Variants in WDR86 observed in about 807,000 individuals in gnomAD.
WDR86 encodes the protein WD repeat-containing protein 86.
A neutral mutation model predicts 36.5 loss-of-function variants in WDR86; 30 were observed. That is an observed-to-expected ratio of 0.82 (90% confidence interval 0.61 to 1.11). The LOEUF (loss-of-function observed/expected upper bound fraction) is 1.11, where lower values mean the gene tolerates loss of function less well. Ranked by LOEUF, WDR86 falls within the 50% of genes most tolerant of loss-of-function variation. The probability of loss-of-function intolerance (pLI) is 0.00; values close to 1 mark genes in which losing one functional copy is unlikely to be tolerated. For missense variants in WDR86, 545 were observed against 561.2 expected (o/e 0.97, Z 0.29); for synonymous variants, 255 against 252.9 (o/e 1.01, Z -0.08).
At chr7:151,382,442 G>T (rs1255090067) in intron 4 of WDR86, among the ~76,000 whole-genome samples, 1 of 152,184 alleles carries the variant, frequency 6.6e-6, no homozygotes, top group Non-Finnish European at 1.5e-5. Flanking sequence ...TAGCGGGGGC[G>T]AGCCTCCGAC....
intron 1 of WDR86, among the ~76,000 whole-genome samples, chr7:151,407,010 ACACT>A (rs1800753750): frequency 6.6e-6 from 1 of 152,204 alleles, no homozygotes; most frequent in South Asian, 2.1e-4. Flanking sequence ...GGACTGTCAC[ACACT>A]CACAATGACT....
intron 3 of WDR86, among the ~76,000 whole-genome samples, chr7:151,389,536 C>T (rs11769160): frequency 0.43 from 65,385 of 152,036 alleles, 16,009 homozygotes; most frequent in Non-Finnish European, 0.56. Flanking sequence ...CAAGCACACA[C>T]GCTTCTTCGG....
chr7:151,379,680 A>C (rs1330870969), downstream of WDR86, among the ~76,000 whole-genome samples: 1 of 152,138 alleles, frequency 6.6e-6, no homozygotes, highest in Non-Finnish European at 1.5e-5. Flanking sequence ...GTGTGTTGCT[A>C]TAAAAATGCA....
intron 3 of WDR86, among the ~76,000 whole-genome samples, chr7:151,394,876 C>T (rs1386107743): frequency 6.6e-6 from 1 of 152,248 alleles, no homozygotes; most frequent in African/African-American, 2.4e-5. Context: ...GTTCGAAGCA[C>T]ACACAGTCAC....
chr7:151,395,596 C>T (rs1799760029), intron 3 of WDR86, among the ~76,000 whole-genome samples, 180 bp downstream of exon 3: 1 of 152,096 alleles, frequency 6.6e-6, no homozygotes, highest in South Asian at 2.1e-4. Context: ...GAAACCAGTA[C>T]TGCGGACCCC....
chr7:151,402,066 A>ATATATATATATATATATATAT (rs1237077862), intron 1 of WDR86, among the ~76,000 whole-genome samples: 1 of 67,354 alleles, frequency 1.5e-5, no homozygotes, highest in Non-Finnish European at 3.0e-5. Context: ...AAAAAAAAAA[A>ATATATATATATATATATATAT]AAAAATATAT....
chr7:151,376,519 G>C, downstream of WDR86: 1 of 970,358 alleles, frequency 1.0e-6, no homozygotes, highest in Non-Finnish European at 1.5e-6. Context: ...AAAGGGCCAT[G>C]GTGCACACGC....
rs1049584902 is a variant in WDR86, at chr7:151,401,431, T to A, written c.164-1190A>T. 3.9e-5 allele frequency among the ~76,000 whole-genome samples: 6 copies of A among 152,206 alleles called. No individual in the cohort carries two copies. Among genetic ancestry groups the A allele is most frequent in the Non-Finnish European group, 7.3e-5 (5 of 68,038 alleles). The stretch of plus-strand genomic sequence containing the variant: ...TCCCTCCTCTCCTTCCCTCCTCATT[T>A]CTTTATCATCTCCTTTTAGTCTTTT... On this transcript the variant is annotated intron_variant, in intron 1 of 5. Transcript: ENST00000334493. The surrounding 1 kb of genome is among the most constrained non-coding windows in gnomAD (Gnocchi z 4.3).
chr7:151,395,902 C>G lies in WDR86; in HGVS notation c.600G>C (p.Val200=), dbSNP rs1270556682. The G allele has an allele frequency of 6.2e-7, 1 of 1,602,144 alleles. No individual in the cohort carries two copies. The highest frequency in any genetic ancestry group is 8.5e-7 in the Non-Finnish European group (1 of 1,176,914). ...RGHTGAVLCL[V]LDTPGHTAFT... ...AGGCCGTGTGGCCGGGCGTGTCTAGCACTAGGCACAGCACTGCACCCGTGT... is the reference window on the plus strand; with the variant it reads ...AGGCCGTGTGGCCGGGCGTGTCTAGGACTAGGCACAGCACTGCACCCGTGT... The change falls in exon 3 of 6, where the codon GTG becomes GTC. Residue 200 remains valine, a synonymous_variant. Coordinates refer to ENST00000334493, the MANE Select transcript of WDR86 (RefSeq NM_198285.3).
chr7:151,391,531 C>T (rs1205764432), intron 3 of WDR86, among the ~76,000 whole-genome samples: 2 of 152,118 alleles, frequency 1.3e-5, no homozygotes, highest in Non-Finnish European at 2.9e-5. Context: ...GCTGGGAGCC[C>T]GGGCGAGACT....
At chr7:151,386,948 C>T (rs1051380911) in intron 3 of WDR86, among the ~76,000 whole-genome samples, 6 of 152,342 alleles carry the variant, frequency 3.9e-5, no homozygotes, top group African/African-American at 1.2e-4. Context: ...TTTCCTTCAT[C>T]GGCAAGTGGA....
intron 1 of WDR86, among the ~76,000 whole-genome samples, chr7:151,402,070 A>AAAAAATATATATATAT: frequency 1.8e-4 from 9 of 50,522 alleles, no homozygotes; most frequent in African/African-American, 2.4e-4. Flanking sequence ...AAAAAAAAAA[A>AAAAAATATATATATAT]ATATATATAT....
At chr7:151,408,963 C>T (rs999116076) in intron 1 of WDR86, 7 of 473,448 alleles carry the variant, frequency 1.5e-5, no homozygotes, top group African/African-American at 8.0e-5. Flanking sequence ...GCACCGCTGG[C>T]CCTTAACAAG....
At chr7:151,387,244 CCTGGGTGACCAGGGCAGGAGGCTTG>C (rs1276704062) in intron 3 of WDR86, among the ~76,000 whole-genome samples, 2 of 152,282 alleles carry the variant, frequency 1.3e-5, no homozygotes, top group South Asian at 2.1e-4. Flanking sequence ...AAGGAGGCTT[CCTGGGTGACCAGGGCAGGAGGCTTG>C]CTGGGTGACC....
chr7:151,410,366 C>T (rs1406863859), upstream of WDR86, among the ~76,000 whole-genome samples: 1 of 152,226 alleles, frequency 6.6e-6, no homozygotes, highest in African/African-American at 2.4e-5. Flanking sequence ...CTACTCGCCT[C>T]CACCAGGCAA....
At chr7:151,394,128 G>A (rs1047809520) in intron 3 of WDR86, among the ~76,000 whole-genome samples, 2 of 152,136 alleles carry the variant, frequency 1.3e-5, no homozygotes, top group Admixed American at 6.5e-5. Context: ...TCCCCACGAC[G>A]AGCTGCTCTC....
At chr7:151,408,357 C>T (rs1350859786) in intron 1 of WDR86, among the ~76,000 whole-genome samples, 1 of 151,948 alleles carries the variant, frequency 6.6e-6, no homozygotes, top group African/African-American at 2.4e-5. Context: ...CCACCACGCC[C>T]AGCTAATTTT....
At chr7:151,379,314 C>G (rs964613640), downstream of WDR86, among the ~76,000 whole-genome samples, 36 of 152,252 alleles carry the variant, frequency 2.4e-4, 2 homozygotes, top group Non-Finnish European at 1.8e-4. Context: ...GTGAGGGCAG[C>G]CCATGCCAGC....
In WDR86 at chr7:151,400,173, T is replaced by C; in HGVS notation, c.232A>G (p.Thr78Ala). The change falls in exon 2 of 6, where the codon ACC becomes GCC. Residue 78 changes from threonine to alanine, a missense_variant. Physicochemically the swap from Thr to Ala is moderately conservative, Grantham distance 58. Coordinates refer to ENST00000334493, the MANE Select transcript of WDR86 (RefSeq NM_198285.3). ...EAAFTCSADCTIRRWDVLTGQ... is the reference protein window; with the variant it reads ...EAAFTCSADCAIRRWDVLTGQ... The stretch of plus-strand genomic sequence containing the variant: ...GTCAGCACGTCCCACCTCCTGATGG[T>C]GCAGTCGGCGCTGCATGTGAAGGCA... 6.2e-7 allele frequency: 1 copy of C among 1,612,380 alleles called. No homozygotes were observed. The highest frequency in any genetic ancestry group is 8.5e-7 in the Non-Finnish European group (1 of 1,179,240).
Sources: gnomAD v4.1 joint callset for allele counts (sites outside exome capture counted in the v4.1 genomes callset) on GRCh38, gnomAD v4.1.1 for gene constraint, Gnocchi (gnomAD v3.1) non-coding constraint, MANE v1.5 for transcripts, NCBI Gene and HGNC (gene_info 2026-07-23, HGNC 2026-07-21) for gene names.